NUP37: variants seen among roughly 807,000 people sequenced by gnomAD.
NUP37 encodes nucleoporin Nup37.
In NUP37, 33 loss-of-function variants were observed where a neutral mutation model predicts 45.4. The observed-to-expected ratio is 0.73, with a 90% confidence interval of 0.55 to 0.97. The LOEUF (loss-of-function observed/expected upper bound fraction) is 0.97, where lower values mean the gene tolerates loss of function less well. Among genes scored for constraint, NUP37 ranks in the 50% least tolerant of loss-of-function variants. The probability of loss-of-function intolerance (pLI) is 0.00; values close to 1 mark genes in which losing one functional copy is unlikely to be tolerated. For synonymous variants in NUP37, 127 were observed against 130.7 expected (o/e 0.97, Z 0.19); for missense variants, 365 against 389.7 (o/e 0.94, Z 0.53).
In NUP37 at chr12:102,075,018, G is replaced by A; in HGVS notation, c.850C>T (p.His284Tyr). The A allele has an allele frequency of 1.9e-6, 3 of 1,607,846 alleles. No homozygotes were observed. The highest frequency in any genetic ancestry group is 1.3e-5 in the African/African-American group (1 of 74,610). Residue 284 changes from histidine (H) to tyrosine (Y), a missense_variant, in exon 9 of 10, where the codon CAT becomes TAT. Coordinates refer to ENST00000552283, the MANE Select transcript of NUP37 (RefSeq NM_024057.4). ...CACATTACCTGAGGGTGTCCTAAAT[G>A]ATGAATTTGAAACTGGCTTGCCATT... The part of the protein sequence containing the change: ...GKMASQFQIH[H>Y]LGHPQPILMG...
chr12:102,077,943 A>T (rs560458377), intron 6 of NUP37, among the ~76,000 whole-genome samples: 4 of 152,162 alleles, frequency 2.6e-5, no homozygotes, highest in Non-Finnish European at 5.9e-5. Flanking sequence ...CTCAACCTAT[A>T]TTACAAATGG....
intron 6 of NUP37, among the ~76,000 whole-genome samples, chr12:102,085,195 G>A (rs1049322290): frequency 7.2e-5 from 11 of 152,074 alleles, no homozygotes; most frequent in Non-Finnish European, 1.5e-4. Flanking sequence ...TGAGATGAGC[G>A]GATCATCTGA....
intron 5 of NUP37, 78 bp downstream of exon 5, chr12:102,099,027 AT>A (rs555244522): frequency 2.4e-4 from 227 of 952,018 alleles, no homozygotes; most frequent in South Asian, 6.8e-4. Context: ...TAAAAGTCAC[AT>A]TTTTTTTTCT....
At chr12:102,087,617 T>C (rs2136723049) in intron 5 of NUP37, among the ~76,000 whole-genome samples, 1 of 152,338 alleles carries the variant, frequency 6.6e-6, no homozygotes, top group South Asian at 2.1e-4. Context: ...GTATTTCTTC[T>C]CTATTGCTTT....
At chr12:102,082,906 A>C (rs757258385) in intron 6 of NUP37, among the ~76,000 whole-genome samples, 10 of 152,226 alleles carry the variant, frequency 6.6e-5, no homozygotes, top group Non-Finnish European at 1.2e-4. Context: ...AAAAATTAAA[A>C]GACCTGGAAT....
intron 5 of NUP37, 79 bp downstream of exon 5, chr12:102,099,027 A>C: frequency 2.1e-6 from 2 of 952,500 alleles, no homozygotes; most frequent in African/African-American, 3.3e-5. Context: ...TAAAAGTCAC[A>C]TTTTTTTTTC....
At chr12:102,095,514 T>G (rs928506571) in intron 5 of NUP37, among the ~76,000 whole-genome samples, 1 of 152,016 alleles carries the variant, frequency 6.6e-6, no homozygotes, top group Non-Finnish European at 1.5e-5. Flanking sequence ...AAGAAAATGG[T>G]GTAGAATATA....
At chr12:102,086,144 A>G (rs1465722726) in intron 5 of NUP37, among the ~76,000 whole-genome samples, 1 of 152,186 alleles carries the variant, frequency 6.6e-6, no homozygotes, top group Admixed American at 6.5e-5. Context: ...TAAATTATTT[A>G]TATACTCTTT....
intron 5 of NUP37, among the ~76,000 whole-genome samples, chr12:102,095,658 C>G (rs902816100): frequency 1.3e-5 from 2 of 152,074 alleles, no homozygotes; most frequent in African/African-American, 4.8e-5. Flanking sequence ...AAGATATATA[C>G]TTGTCATACT....
At chr12:102,099,574 G>A (rs1879914811) in intron 4 of NUP37, among the ~76,000 whole-genome samples, 1 of 152,152 alleles carries the variant, frequency 6.6e-6, no homozygotes, top group African/African-American at 2.4e-5. Flanking sequence ...CCGAGGTAGG[G>A]TACCTCTAGG....
chr12:102,084,882 A>C (rs1486308410), intron 6 of NUP37, among the ~76,000 whole-genome samples: 2 of 152,182 alleles, frequency 1.3e-5, no homozygotes, highest in African/African-American at 4.8e-5. Context: ...GATACTGGCA[A>C]ATGAGAGAAT....
intron 2 of NUP37, chr12:102,115,794 T>C: frequency 1.0e-6 from 1 of 978,830 alleles, no homozygotes; most frequent in Non-Finnish European, 1.2e-6. Flanking sequence ...ATCTTTCCAC[T>C]TAATTTACCT....
chr12:102,084,414 G>C (rs1285230201), intron 6 of NUP37, among the ~76,000 whole-genome samples: 1 of 152,188 alleles, frequency 6.6e-6, no homozygotes, highest in Non-Finnish European at 1.5e-5. Context: ...GGGAGGCCGA[G>C]GTGGGCAGAT....
intron 5 of NUP37, among the ~76,000 whole-genome samples, chr12:102,095,803 TTAC>T (rs1378679535): frequency 2.0e-5 from 3 of 152,140 alleles, no homozygotes; most frequent in Non-Finnish European, 4.4e-5. Context: ...TTTCATTGTA[TTAC>T]TACTAACATG....
At chr12:102,091,627 T>C (rs1392902648) in intron 5 of NUP37, among the ~76,000 whole-genome samples, 1 of 152,084 alleles carries the variant, frequency 6.6e-6, no homozygotes, top group Non-Finnish European at 1.5e-5. Flanking sequence ...AAGGAAAAGC[T>C]TTTATGGGAA....
chr12:102,104,756 C>T (rs1880077296), intron 3 of NUP37, among the ~76,000 whole-genome samples: 1 of 152,118 alleles, frequency 6.6e-6, no homozygotes, highest in Non-Finnish European at 1.5e-5. Flanking sequence ...CATTTGATGG[C>T]TATGTGAAGG....
chr12:102,079,554 TCTTA>T (rs1263589039), intron 6 of NUP37, among the ~76,000 whole-genome samples: 6 of 152,212 alleles, frequency 3.9e-5, no homozygotes, highest in African/African-American at 1.2e-4. Flanking sequence ...TTTAAAGATA[TCTTA>T]CTTAATATAT....
At chr12:102,082,874 C>T (rs1472544813) in intron 6 of NUP37, among the ~76,000 whole-genome samples, 5 of 152,024 alleles carry the variant, frequency 3.3e-5, no homozygotes, top group African/African-American at 4.8e-5. Context: ...GAGAAGAATG[C>T]TAGAGTTAGT....
At chr12:102,079,328 TA>T (rs1256574695) in intron 6 of NUP37, 3 of 433,070 alleles carry the variant, frequency 6.9e-6, no homozygotes, top group Admixed American at 2.5e-5. Context: ...AAACATCATT[TA>T]TTCTATTATT....
Sources: gnomAD v4.1 joint callset for allele counts (sites outside exome capture counted in the v4.1 genomes callset) on GRCh38, gnomAD v4.1.1 for gene constraint, MANE v1.5 for transcripts, NCBI Gene and HGNC (gene_info 2026-07-23, HGNC 2026-07-21) for gene names.